Variants in HHAT observed in about 807,000 individuals in gnomAD.
HHAT encodes protein-cysteine N-palmitoyltransferase HHAT.
HHAT carries 47 observed loss-of-function variants against 70.8 expected under a neutral mutation model. The ratio of observed to expected loss-of-function variants is 0.66; its 90% CI spans 0.53 to 0.85. HHAT has a LOEUF of 0.85. Among genes scored for constraint, HHAT ranks in the 40% least tolerant of loss-of-function variants. The pLI is 0.00. For synonymous variants in HHAT, 228 were observed against 247.6 expected (o/e 0.92, Z 0.74); for missense variants, 609 against 604.8 (o/e 1.01, Z -0.07).
At chr1:210,494,218 C>T (rs1238676411) in intron 8 of HHAT, among the ~76,000 whole-genome samples, 2 of 152,102 alleles carry the variant, frequency 1.3e-5, no homozygotes, top group African/African-American at 2.4e-5. Context: ...ACAATTGTAG[C>T]ATTAAGTAGA....
chr1:210,351,991 T>A (rs548993860), intron 2 of HHAT, among the ~76,000 whole-genome samples: 1 of 152,240 alleles, frequency 6.6e-6, no homozygotes, highest in Non-Finnish European at 1.5e-5. Flanking sequence ...ATGGGTGTTA[T>A]ACTTCTTTAC....
chr1:210,670,808 G>A (rs1337730325), intron 11 of HHAT, among the ~76,000 whole-genome samples: 1 of 152,166 alleles, frequency 6.6e-6, no homozygotes, highest in South Asian at 2.1e-4. Flanking sequence ...CTTTGTGAAA[G>A]CACTACCAAA....
intron 7 of HHAT, among the ~76,000 whole-genome samples, chr1:210,435,075 GTCT>G (rs1376929835): frequency 6.6e-6 from 1 of 151,782 alleles, no homozygotes; most frequent in African/African-American, 2.4e-5. Context: ...CAGGTCTTCT[GTCT>G]TCTAAGTGTA....
intron 11 of HHAT, among the ~76,000 whole-genome samples, chr1:210,648,430 C>G (rs1328831976): frequency 6.6e-6 from 1 of 152,176 alleles, no homozygotes; most frequent in Non-Finnish European, 1.5e-5. Context: ...TTGTTGAGGT[C>G]CTTTCTCCCC....
At chr1:210,435,735 C>T (rs983770353) in intron 7 of HHAT, among the ~76,000 whole-genome samples, 19 of 151,576 alleles carry the variant, frequency 1.3e-4, no homozygotes, top group Admixed American at 5.2e-4. Context: ...AACACTTTTT[C>T]GTATATTTTT....
intron 11 of HHAT, among the ~76,000 whole-genome samples, chr1:210,657,408 T>C (rs553721979): frequency 1.3e-5 from 2 of 152,178 alleles, no homozygotes; most frequent in Admixed American, 6.5e-5. Context: ...AGTGGGCACA[T>C]GGAGGTGAGA....
intron 2 of HHAT, among the ~76,000 whole-genome samples, chr1:210,362,236 C>CTTTTTTTTTTTTTTTTTTTTTTT (rs72236593): frequency 1.4e-5 from 2 of 139,674 alleles, no homozygotes; most frequent in Non-Finnish European, 1.6e-5. Flanking sequence ...GTCAAAATTT[C>CTTTTTTTTTTTTTTTTTTTTTTT]TTTTTTTTTT....
At chr1:210,433,535 A>G (rs912079725) in intron 7 of HHAT, among the ~76,000 whole-genome samples, 2 of 144,672 alleles carry the variant, frequency 1.4e-5, no homozygotes, top group South Asian at 2.3e-4. Flanking sequence ...CACATACTCC[A>G]TGGAAGGTGT....
At chr1:210,658,890 G>C (rs1180655040) in intron 11 of HHAT, among the ~76,000 whole-genome samples, 1 of 152,194 alleles carries the variant, frequency 6.6e-6, no homozygotes, top group East Asian at 1.9e-4. Context: ...TGAAACCAGT[G>C]AGAACAAAGA....
chr1:210,529,469 A>G (rs1483994841), intron 9 of HHAT, among the ~76,000 whole-genome samples: 1 of 152,070 alleles, frequency 6.6e-6, no homozygotes, highest in Non-Finnish European at 1.5e-5. Flanking sequence ...TTTAATCCCT[A>G]CTCTAGCTAT....
chr1:210,627,962 A>G (rs1460278329), intron 11 of HHAT, among the ~76,000 whole-genome samples: 5 of 152,214 alleles, frequency 3.3e-5, no homozygotes, highest in African/African-American at 1.2e-4. Flanking sequence ...TTTGGCTCTC[A>G]GAAGCACTTG....
chr1:210,374,240 T>A (rs867474847), intron 3 of HHAT: 1 of 148,766 alleles, frequency 6.7e-6, no homozygotes, highest in African/African-American at 2.5e-5. Context: ...AGGCGAAAGA[T>A]TTATTCGATC....
At chr1:210,414,340 G>A (rs2092653189) in intron 6 of HHAT, among the ~76,000 whole-genome samples, 1 of 152,130 alleles carries the variant, frequency 6.6e-6, no homozygotes, top group African/African-American at 2.4e-5. Context: ...ATGAATTTTA[G>A]TGGGGCACAA....
At chr1:210,399,622 G>A (rs2091967547) in intron 4 of HHAT, among the ~76,000 whole-genome samples, 1 of 152,108 alleles carries the variant, frequency 6.6e-6, no homozygotes, top group African/African-American at 2.4e-5. Context: ...TTTGAATTTA[G>A]GCAGTTAGAC....
At chr1:210,597,110 G>C (rs139573857) in intron 10 of HHAT, among the ~76,000 whole-genome samples, 87 of 152,318 alleles carry the variant, frequency 5.7e-4, no homozygotes, top group African/African-American at 2.0e-3. Context: ...GGTTATCTTA[G>C]AGAAGATCCA....
At chr1:210,446,739 T>G (rs1389323885) in intron 7 of HHAT, among the ~76,000 whole-genome samples, 1 of 152,242 alleles carries the variant, frequency 6.6e-6, no homozygotes, top group East Asian at 1.9e-4. Flanking sequence ...TCATATGACT[T>G]CCTGTCATTC....
chr1:210,491,766 TTTG>T lies in HHAT; in HGVS notation c.1008-21384_1008-21382del, dbSNP rs1338482883. On this transcript the variant is annotated intron_variant, in intron 8 of 11. Transcript: ENST00000261458. ...TATTTCTTTGTCTGTATTTAGCTTT[TTTG>T]TTTGTTTGTTTGAGATGGAGTCTCA... is the stretch of plus-strand genomic sequence containing the variant. 2.0e-5 allele frequency among the ~76,000 whole-genome samples: 3 copies of T among 152,224 alleles called. No homozygotes were observed. In the East Asian group the frequency reaches 5.8e-4, roughly 29 times the overall value.
chr1:210,554,529 A>G (rs1168675849), intron 9 of HHAT, among the ~76,000 whole-genome samples: 1 of 152,034 alleles, frequency 6.6e-6, no homozygotes, highest in Non-Finnish European at 1.5e-5. Flanking sequence ...CCTGTGTGTG[A>G]TTTGTGGGTG....
chr1:210,455,600 C>G (rs578008460), intron 7 of HHAT, among the ~76,000 whole-genome samples: 3 of 152,192 alleles, frequency 2.0e-5, no homozygotes, highest in South Asian at 2.1e-4. Context: ...AAGTTCCGAC[C>G]CTGCCACTTG....
Sources: allele counts gnomAD v4.1 joint callset (sites outside exome capture counted in the v4.1 genomes callset), GRCh38; gene constraint gnomAD v4.1.1; transcripts MANE v1.5; gene names NCBI Gene and HGNC (gene_info 2026-07-23, HGNC 2026-07-21).